The following TENT4B variants were observed in gnomAD, a reference collection of about 807,000 sequenced individuals.
TENT4B encodes the protein terminal nucleotidyltransferase 4B.
TENT4B carries 10 observed loss-of-function variants against 75.0 expected under a neutral mutation model. The ratio of observed to expected loss-of-function variants is 0.13; its 90% CI spans 0.08 to 0.23. The LOEUF (loss-of-function observed/expected upper bound fraction) is 0.23. Among genes scored for constraint, TENT4B ranks in the 10% least tolerant of loss-of-function variants. The probability of loss-of-function intolerance (pLI) is 1.00; values close to 1 mark genes in which losing one functional copy is unlikely to be tolerated. For synonymous variants in TENT4B, 350 were observed against 357.7 expected (o/e 0.98, Z 0.24); for missense variants, 579 against 893.8 (o/e 0.65, Z 4.49).
Position 50,230,126 on chromosome 16 carries a change from A to C in TENT4B, c.*798A>C. The C allele has an allele frequency of 1.0e-6, 1 of 984,664 alleles. No individual in the cohort carries two copies. Among genetic ancestry groups the C allele is most frequent in the Non-Finnish European group, 1.2e-6 (1 of 829,318 alleles). 61.0% of individuals were successfully genotyped at this position (984,664 alleles called of 1,614,324 possible). ...TGATGTTTATTTTATTTTGTAAAAAAAAAAAAATGTACTATGTACTTTTGT... is the reference window on the plus strand; with the variant it reads ...TGATGTTTATTTTATTTTGTAAAAACAAAAAAATGTACTATGTACTTTTGT... On this transcript the variant is annotated 3_prime_UTR_variant, in exon 12 of 12. Coordinates refer to ENST00000561678, the MANE Select transcript of TENT4B (RefSeq NM_001365324.3).
intron 1 of TENT4B, among the ~76,000 whole-genome samples, chr16:50,191,873 C>A (rs958451872): frequency 2.0e-5 from 3 of 152,012 alleles, no homozygotes; most frequent in Admixed American, 6.5e-5. Flanking sequence ...GAGTCGAGAT[C>A]GCACCATTGC....
At position 50,200,868 on chromosome 16, in the gene TENT4B, C is replaced by T. The variant is rs1360995807; in HGVS notation, c.639-10455C>T. ...AGAGTGCAGTGGCATGAACATGGCT[C>T]ACTGCAGCCTCAACTTCTCCCAGCC... On this transcript the variant is annotated intron_variant, in intron 1 of 11. Transcript: ENST00000561678. 2.0e-5 allele frequency among the ~76,000 whole-genome samples: 3 copies of T among 151,906 alleles called. No individual in the cohort carries two copies. The East Asian group carries it at 5.8e-4, about 29-fold the overall frequency.
intron 1 of TENT4B, among the ~76,000 whole-genome samples, chr16:50,169,360 A>AT (rs1490561512): frequency 7.6e-6 from 1 of 130,802 alleles, no homozygotes; most frequent in Non-Finnish European, 1.6e-5. Flanking sequence ...TTGTAACTAG[A>AT]TCTAGAGATT....
At chr16:50,207,420 C>T (rs1423271941) in intron 1 of TENT4B, among the ~76,000 whole-genome samples, 1 of 151,964 alleles carries the variant, frequency 6.6e-6, no homozygotes, top group African/African-American at 2.4e-5. Context: ...TGGACTCAAG[C>T]GATCCACCCG....
In TENT4B at chr16:50,179,936, T is replaced by C. The variant is rs181220708; in HGVS notation, c.638+25677T>C. ...GGTTTCCTGTGGACCATGCAGATAA[T>C]GATGATGGGCTCAGTGGGCTTGATA... On this transcript the variant is annotated intron_variant, in intron 1 of 11. Transcript: ENST00000561678. 2.7e-3 allele frequency among the ~76,000 whole-genome samples: 416 copies of C among 152,100 alleles called. 5 individuals carry two copies. Among genetic ancestry groups the C allele is most frequent in the African/African-American group, 8.7e-3 (363 of 41,486 alleles).
chr16:50,154,324 C>T, intron 1 of TENT4B, 65 bp downstream of exon 1: 1 of 1,381,816 alleles, frequency 7.2e-7, no homozygotes, highest in Non-Finnish European at 9.3e-7. Context: ...CACACGCCCA[C>T]AGAGGGGGGT....
intron 11 of TENT4B, 86 bp from the exon 12 acceptor site, chr16:50,229,066 T>G: frequency 6.4e-7 from 1 of 1,556,718 alleles, no homozygotes; most frequent in Non-Finnish European, 8.6e-7. Context: ...TTCCTAGTTT[T>G]GAAAGCTTCC....
Position 50,153,772 on chromosome 16 carries a change from A to G in TENT4B, c.151A>G (p.Ser51Gly), listed in dbSNP as rs934424686. The G allele has an allele frequency of 1.0e-4, 111 of 1,075,014 alleles. 1 individual carries two copies. The highest frequency in any genetic ancestry group is 5.8e-4 in the East Asian group (10 of 17,102). 66.6% of individuals were successfully genotyped at this position (1,075,014 alleles called of 1,614,324 possible). ...CGGCGGCGCGAGCGGCGGCGGCGGC[A>G]GCAGCAGCAGCAGCAGCACGGCCAC... ...SSGGASGGGG[S>G]SSSSSTATGG... Residue 51 changes from serine to glycine, a missense_variant, in exon 1 of 12, where the codon AGC (serine) becomes GGC (glycine). By Grantham distance (56) the Ser-to-Gly change is moderately conservative (BLOSUM62 0). Transcript: ENST00000561678.
At chr16:50,166,080 CTTTT>C (rs34403390) in intron 1 of TENT4B, among the ~76,000 whole-genome samples, 2 of 117,554 alleles carry the variant, frequency 1.7e-5, no homozygotes, top group Non-Finnish European at 1.7e-5. Flanking sequence ...CTTGACAGCA[CTTTT>C]TTTTTTTTTT....
At chr16:50,206,354 A>ATTT (rs35118426) in intron 1 of TENT4B, among the ~76,000 whole-genome samples, 140 of 96,292 alleles carry the variant, frequency 1.5e-3, no homozygotes, top group East Asian at 2.8e-3. Flanking sequence ...ATATGTATGT[A>ATTT]TTTTTTTTTT....
intron 1 of TENT4B, among the ~76,000 whole-genome samples, chr16:50,177,248 C>T (rs1308652608): frequency 1.3e-5 from 2 of 152,076 alleles, no homozygotes; most frequent in Non-Finnish European, 1.5e-5. Flanking sequence ...GGTGATCCAC[C>T]TGTCTTGTCC....
chr16:50,161,127 A>G (rs796067044), intron 1 of TENT4B, among the ~76,000 whole-genome samples: 4 of 152,344 alleles, frequency 2.6e-5, no homozygotes, highest in African/African-American at 9.6e-5. Flanking sequence ...TGGAATGCCA[A>G]AAAGGCTTTG....
At position 50,234,074 on chromosome 16, in the gene TENT4B, C is replaced by G. The variant is rs2032376250; in HGVS notation, c.*4746C>G. On this transcript the variant is annotated 3_prime_UTR_variant, in exon 12 of 12. Coordinates refer to ENST00000561678, the MANE Select transcript of TENT4B (RefSeq NM_001365324.3). Reference sequence around the variant, plus strand: ...ATGGAAGGTCTCTCCTAAGGACAGTCTGGACGTATTTTGGGGGAATGTTAT... The same window carrying G: ...ATGGAAGGTCTCTCCTAAGGACAGTGTGGACGTATTTTGGGGGAATGTTAT... The G allele has an allele frequency of 1.0e-6, 1 of 985,420 alleles. No homozygotes were observed. Among genetic ancestry groups the G allele is most frequent in the Non-Finnish European group, 1.2e-6 (1 of 829,940 alleles). 61.0% of individuals were successfully genotyped at this position (985,420 alleles called of 1,614,324 possible). A position where few individuals can be genotyped will look rare whatever the true frequency, so the allele number is the denominator to read the frequency against.
At chr16:50,171,216 C>A (rs1410009910) in intron 1 of TENT4B, among the ~76,000 whole-genome samples, 4 of 151,822 alleles carry the variant, frequency 2.6e-5, no homozygotes, top group African/African-American at 4.8e-5. Context: ...GCCTGGAAAC[C>A]ATAGCAAAAT....
intron 1 of TENT4B, among the ~76,000 whole-genome samples, chr16:50,159,371 A>C (rs985887739): frequency 6.6e-6 from 1 of 151,554 alleles, no homozygotes; most frequent in Non-Finnish European, 1.5e-5. Flanking sequence ...CAGCCTCCCA[A>C]GTAGCTGGGA....
chr16:50,228,082 C>G (rs2032137725), intron 11 of TENT4B, 79 bp downstream of exon 11: 3 of 1,505,002 alleles, frequency 2.0e-6, no homozygotes, highest in Non-Finnish European at 2.7e-6. Context: ...TAATATGCAG[C>G]ATGGGTTTGA....
intron 5 of TENT4B, among the ~76,000 whole-genome samples, chr16:50,218,897 C>T (rs925857564): frequency 6.6e-6 from 1 of 152,154 alleles, no homozygotes; most frequent in Non-Finnish European, 1.5e-5. Context: ...GCCATTAACT[C>T]CTTTGGCTTC....
At chr16:50,195,691 A>C (rs1311197224) in intron 1 of TENT4B, among the ~76,000 whole-genome samples, 2 of 152,234 alleles carry the variant, frequency 1.3e-5, no homozygotes, top group Non-Finnish European at 2.9e-5. Context: ...TATCATTTTC[A>C]TTAATGAAAC....
intron 1 of TENT4B, among the ~76,000 whole-genome samples, chr16:50,182,404 A>G (rs899226729): frequency 3.3e-5 from 5 of 152,206 alleles, no homozygotes; most frequent in Non-Finnish European, 5.9e-5. Context: ...CTAAAATATT[A>G]ACTCCAAATG....
Sources: allele counts gnomAD v4.1 joint callset (sites outside exome capture counted in the v4.1 genomes callset), GRCh38; gene constraint gnomAD v4.1.1; transcripts MANE v1.5; gene names NCBI Gene and HGNC (gene_info 2026-07-23, HGNC 2026-07-21).